The following PRUNE2 variants were observed in gnomAD, a reference collection of about 807,000 sequenced individuals.
PRUNE2 encodes prune homolog 2 with BCH domain, also known as protein prune homolog 2.
In PRUNE2, 164 loss-of-function variants were observed where a neutral mutation model predicts 252.0. The ratio of observed to expected loss-of-function variants is 0.65; its 90% CI spans 0.57 to 0.74. The LOEUF is 0.74. Among genes scored for constraint, PRUNE2 ranks in the 30% least tolerant of loss-of-function variants. The pLI is 0.00. For missense variants in PRUNE2, 3,495 were observed against 3,711.0 expected, an observed-to-expected ratio of 0.94 and a Z score of 1.51; for synonymous variants, 1,292 against 1,350.2, an observed-to-expected ratio of 0.96 and a Z score of 0.94.
At chr9:76,677,346 TC>T (rs1273407882) in intron 9 of PRUNE2, among the ~76,000 whole-genome samples, 1 of 152,262 alleles carries the variant, frequency 6.6e-6, no homozygotes, top group African/African-American at 2.4e-5. Context: ...TCCTTGATTT[TC>T]ACATAGTATT....
At chr9:76,845,141 C>G (rs1353548311) in intron 4 of PRUNE2, among the ~76,000 whole-genome samples, 1 of 151,924 alleles carries the variant, frequency 6.6e-6, no homozygotes, top group Non-Finnish European at 1.5e-5. Context: ...TTCTAATTCC[C>G]TAAATCTGAA....
At chr9:76,636,079 C>T (rs967286850) in intron 15 of PRUNE2, among the ~76,000 whole-genome samples, 2 of 152,132 alleles carry the variant, frequency 1.3e-5, no homozygotes, top group African/African-American at 4.8e-5. Context: ...CATGATATGG[C>T]TTCTGTTTCT....
intron 9 of PRUNE2, among the ~76,000 whole-genome samples, chr9:76,679,617 T>C (rs773866974): frequency 4.9e-4 from 75 of 152,090 alleles, no homozygotes; most frequent in Admixed American, 7.9e-4. Context: ...GATTGTATCA[T>C]GTCACTGCAC....
intron 4 of PRUNE2, among the ~76,000 whole-genome samples, chr9:76,840,306 C>T (rs1195325436): frequency 6.6e-6 from 1 of 152,116 alleles, no homozygotes; most frequent in African/African-American, 2.4e-5. Flanking sequence ...TACTTTTGAG[C>T]ACAGTGGGCT....
At chr9:76,617,771 A>C (rs1483979873) in intron 18 of PRUNE2, among the ~76,000 whole-genome samples, 1 of 152,192 alleles carries the variant, frequency 6.6e-6, no homozygotes, top group African/African-American at 2.4e-5. Flanking sequence ...CTACGTAGGA[A>C]TAAGAAGCAA....
At chr9:76,776,484 T>C (rs185516349) in intron 6 of PRUNE2, among the ~76,000 whole-genome samples, 15 of 152,014 alleles carry the variant, frequency 9.9e-5, no homozygotes, top group Admixed American at 2.6e-4. Context: ...ACGGTATACA[T>C]TTACACCACA....
intron 1 of PRUNE2, among the ~76,000 whole-genome samples, chr9:76,889,962 C>T (rs748732843): frequency 6.6e-6 from 1 of 152,312 alleles, no homozygotes. Flanking sequence ...CGCCTTTCAG[C>T]GAGATTCCCA....
At chr9:76,861,906 G>C (rs775283662) in intron 1 of PRUNE2, among the ~76,000 whole-genome samples, 1 of 151,458 alleles carries the variant, frequency 6.6e-6, no homozygotes, top group African/African-American at 2.4e-5. Context: ...GATGAGCCCC[G>C]CAAATCTTTA....
At position 76,770,535 on chromosome 9, in the gene PRUNE2, A is replaced by G. The variant is rs192411571; in HGVS notation, c.756+53097T>C. Among the ~76,000 whole-genome samples, 63 of 152,316 alleles carry G rather than the reference A, an allele frequency of 4.1e-4. No individual in the cohort carries two copies. In the East Asian group the frequency reaches 4.8e-3, roughly 12 times the overall value. On this transcript the variant is annotated intron_variant, in intron 6 of 18. Coordinates refer to ENST00000376718, the MANE Select transcript of PRUNE2 (RefSeq NM_015225.3). ...TGAAATTGACATTCATCTAAAATGG[A>G]TTATGAAATATCTGGTGAAATATTA...
chr9:76,767,146 G>A (rs2052493922), intron 6 of PRUNE2, among the ~76,000 whole-genome samples: 1 of 152,076 alleles, frequency 6.6e-6, no homozygotes, highest in South Asian at 2.1e-4. Flanking sequence ...CAGTCACCAA[G>A]GACCTATTCA....
chr9:76,718,781 A>G (rs2047376143), intron 6 of PRUNE2, among the ~76,000 whole-genome samples: 1 of 152,140 alleles, frequency 6.6e-6, no homozygotes, highest in Non-Finnish European at 1.5e-5. Context: ...ATCTGCATGT[A>G]GCTGTTTAAT....
intron 1 of PRUNE2, among the ~76,000 whole-genome samples, chr9:76,883,477 CAGATA>C (rs747733852): frequency 2.0e-5 from 3 of 152,176 alleles, no homozygotes; most frequent in Non-Finnish European, 4.4e-5. Flanking sequence ...TTTGGGATAA[CAGATA>C]AGTGACATTT....
intron 9 of PRUNE2, among the ~76,000 whole-genome samples, chr9:76,701,146 C>G (rs2045857890): frequency 6.6e-6 from 1 of 152,150 alleles, no homozygotes; most frequent in South Asian, 2.1e-4. Context: ...TTCCGGAGGT[C>G]TGAGTCGGAG....
At chr9:76,626,422 A>G (rs888616120) in intron 16 of PRUNE2, among the ~76,000 whole-genome samples, 2 of 152,214 alleles carry the variant, frequency 1.3e-5, no homozygotes, top group African/African-American at 4.8e-5. Context: ...TTTGCAAAAC[A>G]TGAAATTGAG....
intron 12 of PRUNE2, among the ~76,000 whole-genome samples, chr9:76,642,884 G>A (rs889794881): frequency 2.0e-5 from 3 of 152,198 alleles, no homozygotes; most frequent in Non-Finnish European, 4.4e-5. Context: ...GCAGGCTGGT[G>A]CCTGGAGAGG....
rs139586277 is a variant in PRUNE2 at position 76,800,736 on chromosome 9, T to C, written c.756+22896A>G. Among the ~76,000 whole-genome samples the C allele has an allele frequency of 2.0e-3, 311 of 152,336 alleles. 2 individuals carry two copies. In the Middle Eastern group the frequency reaches 0.027, roughly 13 times the overall value. On this transcript the variant is annotated intron_variant, in intron 6 of 18. Coordinates refer to ENST00000376718, the MANE Select transcript of PRUNE2 (RefSeq NM_015225.3). ...AGCGAGCCTCACACCCCTGTTCACC[T>C]GGATGGATAGAGAAGCAAGGGCAAT...
chr9:76,627,000 C>A (rs960437832), intron 16 of PRUNE2, among the ~76,000 whole-genome samples: 1 of 152,018 alleles, frequency 6.6e-6, no homozygotes, highest in African/African-American at 2.4e-5. Flanking sequence ...GAAGTGTTAC[C>A]GTGTTTACTT....
rs963158368 is a variant in PRUNE2, at chr9:76,711,242, C to G, written c.1032G>C (p.Gln344His). ...TGACTTCCTTGACAACGAGAACCACCTGATCACAAGTCACTGAAGGGTCCT... is the reference window on the plus strand; with the variant it reads ...TGACTTCCTTGACAACGAGAACCACGTGATCACAAGTCACTGAAGGGTCCT... ...QQEDPSVTCDQVVLVVKEVIN... is the reference protein window; with the variant it reads ...QQEDPSVTCDHVVLVVKEVIN... The change falls in exon 8 of 19, where the codon CAG becomes CAC. Residue 344 changes from glutamine to histidine, a missense_variant. Physicochemically the swap from Gln to His is conservative, Grantham distance 24. Transcript: ENST00000376718. 3.1e-6 allele frequency: 5 copies of G among 1,613,904 alleles called. No homozygotes were observed. The highest frequency in any genetic ancestry group is 3.4e-6 in the Non-Finnish European group (4 of 1,179,856).
At chr9:76,778,239 G>C (rs1589174401) in intron 6 of PRUNE2, among the ~76,000 whole-genome samples, 1 of 152,164 alleles carries the variant, frequency 6.6e-6, no homozygotes, top group Non-Finnish European at 1.5e-5. Flanking sequence ...GCCAGGCGTT[G>C]ATCTCATTCA....
Sources: gnomAD v4.1 joint callset for allele counts (sites outside exome capture counted in the v4.1 genomes callset) on GRCh38, gnomAD v4.1.1 for gene constraint, MANE v1.5 for transcripts, NCBI Gene and HGNC (gene_info 2026-07-23, HGNC 2026-07-21) for gene names.